The following TMEM132B variants were observed in gnomAD, a reference collection of about 807,000 sequenced individuals.
TMEM132B encodes the protein transmembrane protein 132B.
A neutral mutation model predicts 90.8 loss-of-function variants in TMEM132B; 18 were observed. That is an observed-to-expected ratio of 0.20 (90% CI 0.14 to 0.29). TMEM132B has a LOEUF of 0.29. Ranked by LOEUF, TMEM132B falls within the 10% of genes least tolerant of loss-of-function variation. The pLI is 1.00. For synonymous variants in TMEM132B, 504 were observed against 523.3 expected (o/e 0.96, Z 0.50); for missense variants, 1,096 against 1,326.8 (o/e 0.83, Z 2.70).
At chr12:125,537,205 C>T (rs544709816) in intron 4 of TMEM132B, among the ~76,000 whole-genome samples, 3 of 152,302 alleles carry the variant, frequency 2.0e-5, no homozygotes, top group African/African-American at 7.2e-5. Flanking sequence ...GGCTTTGCAT[C>T]CCACAAATCC....
At chr12:125,597,715 C>A (rs1885474446) in intron 5 of TMEM132B, among the ~76,000 whole-genome samples, 1 of 152,144 alleles carries the variant, frequency 6.6e-6, no homozygotes, top group African/African-American at 2.4e-5. Context: ...TCAGATTTGT[C>A]CAGTGCCTGC....
intron 2 of TMEM132B, among the ~76,000 whole-genome samples, chr12:125,398,060 T>A (rs1269460362): frequency 6.6e-6 from 1 of 152,112 alleles, no homozygotes; most frequent in East Asian, 1.9e-4. Context: ...GGAAAAGATA[T>A]CATCGGCATT....
chr12:125,250,476 A>T (rs1327016643), intron 1 of TMEM132B, among the ~76,000 whole-genome samples: 1 of 151,870 alleles, frequency 6.6e-6, no homozygotes, highest in Non-Finnish European at 1.5e-5. Flanking sequence ...TTTCACCCTC[A>T]TCGTGTCCCC....
At chr12:125,217,622 A>G (rs1055325976) in intron 1 of TMEM132B, among the ~76,000 whole-genome samples, 15 of 152,012 alleles carry the variant, frequency 9.9e-5, no homozygotes, top group Admixed American at 3.3e-4. Context: ...AATTAAAACA[A>G]TGTTTTTTTA....
intron 1 of TMEM132B, among the ~76,000 whole-genome samples, chr12:125,194,227 A>G (rs188298960): frequency 5.3e-5 from 8 of 149,894 alleles, no homozygotes; most frequent in Admixed American, 5.3e-4. Flanking sequence ...TGAGGGTGAT[A>G]GAGTTGCTCG....
intron 4 of TMEM132B, among the ~76,000 whole-genome samples, chr12:125,535,514 C>T (rs1056299523): frequency 6.6e-6 from 1 of 152,258 alleles, no homozygotes; most frequent in African/African-American, 2.4e-5. Flanking sequence ...TTCAGGAAAG[C>T]TTTTTTGCCA....
At chr12:125,336,970 A>C (rs1044343485) in intron 1 of TMEM132B, among the ~76,000 whole-genome samples, 1 of 152,244 alleles carries the variant, frequency 6.6e-6, no homozygotes, top group African/African-American at 2.4e-5. Context: ...AAGGTCATCA[A>C]AATTTCCTAC....
In TMEM132B at chr12:125,654,869, A is replaced by T. The variant is rs1887022451; in HGVS notation, c.*159A>T. 1 of 866,308 alleles carries T rather than the reference A, an allele frequency of 1.2e-6. No homozygotes were observed. The highest frequency in any genetic ancestry group is 1.7e-6 in the Non-Finnish European group (1 of 583,452). 53.7% of individuals were successfully genotyped at this position (866,308 alleles called of 1,614,324 possible). On this transcript the variant is annotated 3_prime_UTR_variant, in exon 9 of 9. Coordinates refer to ENST00000682704, the MANE Select transcript of TMEM132B (RefSeq NM_001366854.1). The surrounding 1 kb of genome is among the most constrained non-coding windows in gnomAD (Gnocchi z 5.8). ...AGGTAAAAGAGGTTTGGAGAGCTATAGAAGCTGGGTTTTAAGTTTGGAAAT... is the reference window on the plus strand; with the variant it reads ...AGGTAAAAGAGGTTTGGAGAGCTATTGAAGCTGGGTTTTAAGTTTGGAAAT...
chr12:125,423,472 A>G (rs1401023057), intron 3 of TMEM132B, among the ~76,000 whole-genome samples: 1 of 152,218 alleles, frequency 6.6e-6, no homozygotes, highest in Non-Finnish European at 1.5e-5. Flanking sequence ...CCTATAAGAA[A>G]TGGAGGACTC....
At chr12:125,595,323 A>T (rs567898275) in intron 5 of TMEM132B, among the ~76,000 whole-genome samples, 1 of 152,358 alleles carries the variant, frequency 6.6e-6, no homozygotes, top group East Asian at 1.9e-4. Flanking sequence ...TATTGGTGCC[A>T]GCAATTAATG....
chr12:125,614,955 C>G (rs1321001694), intron 5 of TMEM132B, among the ~76,000 whole-genome samples: 1 of 152,060 alleles, frequency 6.6e-6, no homozygotes, highest in East Asian at 1.9e-4. Flanking sequence ...TTGTAGGATT[C>G]TTGGTTGACA....
chr12:125,487,148 G>T (rs1235090823), intron 3 of TMEM132B, among the ~76,000 whole-genome samples: 4 of 152,174 alleles, frequency 2.6e-5, no homozygotes, highest in African/African-American at 7.2e-5. Flanking sequence ...AGCCTTGATA[G>T]ATGTTTGTTT....
chr12:125,625,126 ACTT>A (rs1268183221), intron 5 of TMEM132B, among the ~76,000 whole-genome samples: 7 of 108,408 alleles, frequency 6.5e-5, no homozygotes, highest in Admixed American at 2.0e-4. Context: ...TTTGGATTTG[ACTT>A]CTTTTTTTTT....
chr12:125,572,495 C>T (rs944511499), intron 4 of TMEM132B, among the ~76,000 whole-genome samples: 1 of 152,232 alleles, frequency 6.6e-6, no homozygotes, highest in Non-Finnish European at 1.5e-5. Context: ...TCTTAGACTT[C>T]CCAGCTTCTA....
rs953822646 is a variant in TMEM132B at position 125,265,271 on chromosome 12, C to T, written c.67+78405C>T. Among the ~76,000 whole-genome samples the T allele has an allele frequency of 5.9e-5, 9 of 151,984 alleles. 1 individual carries two copies. The highest frequency in any genetic ancestry group is 4.1e-4 in the South Asian group (2 of 4,832). On this transcript the variant is annotated intron_variant, in intron 1 of 8. Coordinates refer to ENST00000682704, the MANE Select transcript of TMEM132B (RefSeq NM_001366854.1). ...GATACATTGCAAGATCCCCAGTGGA[C>T]GCCTGAAATCACAGATGGTACTAAA...
intron 3 of TMEM132B, among the ~76,000 whole-genome samples, chr12:125,495,522 C>T (rs1882539912): frequency 6.6e-6 from 1 of 152,216 alleles, no homozygotes; most frequent in Non-Finnish European, 1.5e-5. Context: ...AGTTCTTTGA[C>T]ATCCCTTATT....
chr12:125,290,813 A>G (rs994516461), intron 1 of TMEM132B, among the ~76,000 whole-genome samples: 8 of 152,180 alleles, frequency 5.3e-5, no homozygotes, highest in African/African-American at 1.4e-4. Flanking sequence ...TCCAGAGTGT[A>G]TACTTATGAT....
chr12:125,367,818 C>T (rs1262254168), intron 2 of TMEM132B, among the ~76,000 whole-genome samples: 1 of 152,066 alleles, frequency 6.6e-6, no homozygotes, highest in African/African-American at 2.4e-5. Context: ...TCAACCATTA[C>T]CAGAAATAGA....
Position 125,406,137 on chromosome 12 carries a change from TGC to T in TMEM132B, c.960-9393_960-9392del, listed in dbSNP as rs563119996. Among the ~76,000 whole-genome samples the T allele has an allele frequency of 6.6e-6, 1 of 152,228 alleles. No homozygotes were observed. The highest frequency in any genetic ancestry group is 1.5e-5 in the Non-Finnish European group (1 of 68,042). On this transcript the variant is annotated intron_variant, in intron 2 of 8. Coordinates refer to ENST00000682704, the MANE Select transcript of TMEM132B (RefSeq NM_001366854.1). This position sits in a 1 kb window ranked among gnomAD's most constrained non-coding sequence, Gnocchi z 8.3. ...GTAGATATGCTTAACTAGATCTTTTTGCTAGTGAATTTCCAGTAGACTGTGAG... is the reference window on the plus strand; with the variant it reads ...GTAGATATGCTTAACTAGATCTTTTTTAGTGAATTTCCAGTAGACTGTGAG...
Sources: gnomAD v4.1 joint callset for allele counts (sites outside exome capture counted in the v4.1 genomes callset) on GRCh38, gnomAD v4.1.1 for gene constraint, Gnocchi (gnomAD v3.1) non-coding constraint, MANE v1.5 for transcripts, NCBI Gene and HGNC (gene_info 2026-07-23, HGNC 2026-07-21) for gene names.